Variants in EPN2 observed in about 807,000 individuals in gnomAD.
EPN2 encodes epsin 2, also known as epsin-2.
In EPN2, 34 loss-of-function variants were observed where a neutral mutation model predicts 61.7. The observed-to-expected ratio is 0.55, with a 90% CI of 0.42 to 0.73. The LOEUF (loss-of-function observed/expected upper bound fraction) is 0.73, where lower values mean the gene tolerates loss of function less well. Ranked by LOEUF, EPN2 falls within the 30% of genes least tolerant of loss-of-function variation. EPN2 has a pLI of 0.00. For missense variants in EPN2, 714 were observed against 839.2 expected, an observed-to-expected ratio of 0.85 and a Z score of 1.84; for synonymous variants, 349 against 353.6, an observed-to-expected ratio of 0.99 and a Z score of 0.15.
In EPN2 at chr17:19,313,265, C is replaced by T. The variant is rs764191775; in HGVS notation, c.1133C>T (p.Pro378Leu). Reference sequence around the variant, plus strand: ...GCGGCTCCTGCGAGTACTTCAGACCCCTGGCCATCGTTTGGTAAAGACCCC... The same window carrying T: ...GCGGCTCCTGCGAGTACTTCAGACCTCTGGCCATCGTTTGGTAAAGACCCC... ...GPAAPASTSD[P>L]WPSFGTKPAA... The change falls in exon 7 of 11, where the codon CCC becomes CTC. Residue 378 changes from proline to leucine, a missense_variant. This residue lies in a region of EPN2 where 410 missense variants were observed against 421.8 expected (regional missense o/e 0.97). Transcript: ENST00000314728. 23 of 1,546,336 alleles carry T rather than the reference C, an allele frequency of 1.5e-5. No homozygotes were observed. Among genetic ancestry groups the T allele is most frequent in the South Asian group, 7.4e-5 (6 of 81,250 alleles).
rs199873934 is a variant in EPN2, at chr17:19,283,208, A to G, written c.89A>G (p.Asn30Ser). Residue 30 changes from asparagine to serine, a missense_variant, in exon 3 of 11, where the codon AAT (asparagine) becomes AGT (serine). Coordinates refer to ENST00000314728, the MANE Select transcript of EPN2 (RefSeq NM_014964.5). The surrounding 1 kb of genome is among the most constrained non-coding windows in gnomAD (Gnocchi z 7.0). ...ATCAAAGTCCGGGAAGCCACCTCCA[A>G]TGACCCGTGGGGCCCGTCCAGTTCT... ...AEIKVREATS[N>S]DPWGPSSSLM... The G allele has an allele frequency of 6.8e-6, 11 of 1,614,096 alleles. No homozygotes were observed. Among genetic ancestry groups the G allele is most frequent in the African/African-American group, 2.7e-5 (2 of 74,934 alleles).
Position 19,335,436 on chromosome 17 carries a change from A to C in EPN2, c.*1182A>C. On this transcript the variant is annotated 3_prime_UTR_variant, in exon 11 of 11. Transcript: ENST00000314728. Reference sequence around the variant, plus strand: ...AGGGATTAACAGGACTTCTGTTTACAATGGAAATCTGAAATGGAAGAAACA... The same window carrying C: ...AGGGATTAACAGGACTTCTGTTTACCATGGAAATCTGAAATGGAAGAAACA... 1 of 1,550,194 alleles carries C rather than the reference A, an allele frequency of 6.5e-7. No individual in the cohort carries two copies. Among genetic ancestry groups the C allele is most frequent in the Non-Finnish European group, 8.7e-7 (1 of 1,146,754 alleles).
chr17:19,240,506 A>G (rs1184673345), intron 1 of EPN2, among the ~76,000 whole-genome samples: 1 of 152,170 alleles, frequency 6.6e-6, no homozygotes, highest in African/African-American at 2.4e-5. Flanking sequence ...TTGGCCTCCC[A>G]AAGTGCTGGG....
intron 1 of EPN2, among the ~76,000 whole-genome samples, chr17:19,255,687 C>G (rs1360460019): frequency 1.3e-5 from 2 of 150,814 alleles, no homozygotes; most frequent in Non-Finnish European, 1.5e-5. Context: ...TGGTGGCTCA[C>G]TCATAGCTCA....
chr17:19,238,042 G>A (rs1211527133), intron 1 of EPN2, among the ~76,000 whole-genome samples: 1 of 152,086 alleles, frequency 6.6e-6, no homozygotes, highest in Non-Finnish European at 1.5e-5. Context: ...TCTCTGTCCG[G>A]GATCCCGCCC....
intron 4 of EPN2, among the ~76,000 whole-genome samples, chr17:19,290,390 A>G (rs1325419995): frequency 6.6e-6 from 1 of 152,120 alleles, no homozygotes; most frequent in East Asian, 1.9e-4. Flanking sequence ...CTTGGGGTAG[A>G]CGGAACCTAC....
chr17:19,264,628 C>T (rs1158741412), intron 1 of EPN2, among the ~76,000 whole-genome samples: 1 of 152,008 alleles, frequency 6.6e-6, no homozygotes, highest in Admixed American at 6.6e-5. Flanking sequence ...TTAAAACTTA[C>T]CAATATTCAT....
At chr17:19,282,623 A>T (rs1365358150) in intron 2 of EPN2, 1 of 153,678 alleles carries the variant, frequency 6.5e-6, no homozygotes, top group Non-Finnish European at 1.4e-5. Flanking sequence ...TGCCAAGATC[A>T]GCTTCCCCCA....
In EPN2 at chr17:19,283,000, A is replaced by G; in HGVS notation, c.-120A>G. On this transcript the variant is annotated 5_prime_UTR_variant, in exon 3 of 11. Transcript: ENST00000314728. ...TGAGGCTCCAAAGGAGGAAATGACC[A>G]TTCAGGGATCTTACTCCAGCTTGAT... The G allele has an allele frequency of 1.4e-6, 1 of 697,940 alleles. No homozygotes were observed. The highest frequency in any genetic ancestry group is 2.4e-6 in the Non-Finnish European group (1 of 422,232). 43.2% of individuals were successfully genotyped at this position (697,940 alleles called of 1,614,324 possible).
At chr17:19,309,645 G>A (rs1252292950) in intron 4 of EPN2, among the ~76,000 whole-genome samples, 1 of 152,342 alleles carries the variant, frequency 6.6e-6, no homozygotes, top group East Asian at 1.9e-4. Context: ...ATACCCAAAG[G>A]CATCTTCTCT....
intron 7 of EPN2, among the ~76,000 whole-genome samples, chr17:19,325,347 A>G (rs1380065077): frequency 6.6e-6 from 1 of 152,234 alleles, no homozygotes; most frequent in Non-Finnish European, 1.5e-5. Context: ...AAAAATCCTA[A>G]GGAAAGAAAC....
At chr17:19,267,635 C>A (rs763547378) in intron 1 of EPN2, among the ~76,000 whole-genome samples, 1 of 151,776 alleles carries the variant, frequency 6.6e-6, no homozygotes, top group African/African-American at 2.4e-5. Context: ...CTCTGCCTCC[C>A]GGGTTCAAGC....
intron 7 of EPN2, among the ~76,000 whole-genome samples, chr17:19,322,702 T>A (rs1906694295): frequency 6.8e-6 from 1 of 147,482 alleles, no homozygotes; most frequent in South Asian, 2.1e-4. Flanking sequence ...ATTGCACCAC[T>A]GCGCTCCAGC....
At position 19,335,101 on chromosome 17, in the gene EPN2, T is replaced by A. The variant is rs1907339356; in HGVS notation, c.*847T>A. On this transcript the variant is annotated 3_prime_UTR_variant, in exon 11 of 11. Transcript: ENST00000314728. Reference sequence around the variant, plus strand: ...TTTGGATGACAAAAAAATGCCTTATTGAAAAACTAAAGCAAATTCTTTATA... The same window carrying A: ...TTTGGATGACAAAAAAATGCCTTATAGAAAAACTAAAGCAAATTCTTTATA... 4.6e-6 allele frequency: 1 copy of A among 218,066 alleles called. No homozygotes were observed. Among genetic ancestry groups the A allele is most frequent in the Non-Finnish European group, 9.0e-6 (1 of 111,296 alleles). The allele number at this position is 218,066 out of a possible 1,614,324, so 13.5% of individuals were successfully genotyped here. A position where few individuals can be genotyped will look rare whatever the true frequency, so the allele number is the denominator to read the frequency against.
In EPN2 at chr17:19,335,472, TG is replaced by T; in HGVS notation, c.*1219del. The T allele has an allele frequency of 6.5e-7, 1 of 1,549,464 alleles. No homozygotes were observed. Among genetic ancestry groups the T allele is most frequent in the Non-Finnish European group, 8.7e-7 (1 of 1,146,284 alleles). ...GAAATGGAAGAAACATCTTTAACCT[TG>T]TGTGTCTGTGATCTCCTCTGTCTTA... On this transcript the variant is annotated 3_prime_UTR_variant, in exon 11 of 11. Transcript: ENST00000314728.
chr17:19,242,619 G>A (rs8076509), intron 1 of EPN2, among the ~76,000 whole-genome samples: 5,102 of 152,230 alleles, frequency 0.034, 345 homozygotes, highest in South Asian at 0.19. Context: ...GGCAGAGTGT[G>A]CTTCACTTTC....
chr17:19,278,269 C>T (rs938652253), intron 1 of EPN2, among the ~76,000 whole-genome samples: 6 of 152,046 alleles, frequency 3.9e-5, no homozygotes, highest in African/African-American at 1.2e-4. Flanking sequence ...AGCCACCACA[C>T]CTGGTCCTAG....
intron 1 of EPN2, among the ~76,000 whole-genome samples, chr17:19,245,527 C>T (rs1476036095): frequency 2.0e-5 from 3 of 151,572 alleles, no homozygotes; most frequent in Admixed American, 6.6e-5. Flanking sequence ...GCCTCTGCCT[C>T]CCAGGTTCAA....
chr17:19,303,645 G>C (rs1431526846), intron 4 of EPN2, among the ~76,000 whole-genome samples: 1 of 152,238 alleles, frequency 6.6e-6, no homozygotes, highest in East Asian at 1.9e-4. Flanking sequence ...GATAGTGCCA[G>C]CGTTGGCCAC....
Sources: gnomAD v4.1 joint callset for allele counts (sites outside exome capture counted in the v4.1 genomes callset) on GRCh38, gnomAD v4.1.1 for gene constraint, gnomAD v4.1.1 regional missense constraint, Gnocchi (gnomAD v3.1) non-coding constraint, MANE v1.5 for transcripts, NCBI Gene and HGNC (gene_info 2026-07-23, HGNC 2026-07-21) for gene names.